The following DPP6 variants were observed in gnomAD, a reference collection of about 807,000 sequenced individuals.
The protein encoded by DPP6 is dipeptidyl peptidase like 6.
A neutral mutation model predicts 122.6 loss-of-function variants in DPP6; 69 were observed. The ratio of observed to expected loss-of-function variants is 0.56; its 90% CI spans 0.46 to 0.69. The LOEUF (loss-of-function observed/expected upper bound fraction) is 0.69. Among genes scored for constraint, DPP6 ranks in the 30% least tolerant of loss-of-function variants. The pLI, the probability that DPP6 is intolerant of heterozygous loss-of-function variation, is 0.00. For missense variants in DPP6, 928 were observed against 1,116.9 expected (o/e 0.83, Z 2.41); for synonymous variants, 418 against 433.1 (o/e 0.97, Z 0.43).
chr7:154,264,751 AATG>A (rs1351990054), intron 1 of DPP6, among the ~76,000 whole-genome samples: 2 of 147,808 alleles, frequency 1.4e-5, no homozygotes, highest in Non-Finnish European at 3.0e-5. Context: ...TAATGATGTT[AATG>A]ATGATAGTGA....
At chr7:154,239,785 CA>C (rs1801455550) in intron 1 of DPP6, among the ~76,000 whole-genome samples, 1 of 114,396 alleles carries the variant, frequency 8.7e-6, no homozygotes, top group Admixed American at 9.6e-5. Flanking sequence ...CCAGCCTGGC[CA>C]ACATGGTAAA....
At chr7:154,053,196 C>T (rs1157554357) in intron 1 of DPP6, 133 bp downstream of exon 1, 32 of 830,984 alleles carry the variant, frequency 3.9e-5, no homozygotes, top group Admixed American at 6.5e-5. Context: ...TCTCCGGGCG[C>T]CCCCAGACAG....
At chr7:154,264,038 G>A (rs1467499970) in intron 1 of DPP6, among the ~76,000 whole-genome samples, 1 of 152,064 alleles carries the variant, frequency 6.6e-6, no homozygotes, top group Non-Finnish European at 1.5e-5. Context: ...TATGAAGGTG[G>A]TACACTATAA....
At chr7:154,147,674 GTGTA>G (rs990966500) in intron 1 of DPP6, among the ~76,000 whole-genome samples, 2 of 94,630 alleles carry the variant, frequency 2.1e-5, no homozygotes, top group African/African-American at 9.2e-5. Flanking sequence ...GTGTGTGTGT[GTGTA>G]TATATGTATA....
chr7:154,192,124 G>C (rs1173117709), intron 1 of DPP6, among the ~76,000 whole-genome samples: 1 of 152,156 alleles, frequency 6.6e-6, no homozygotes, highest in Non-Finnish European at 1.5e-5. Flanking sequence ...TGATTTAAAG[G>C]CACCTTTTAG....
At chr7:154,174,975 C>T (rs1797723787) in intron 1 of DPP6, among the ~76,000 whole-genome samples, 1 of 151,590 alleles carries the variant, frequency 6.6e-6, no homozygotes, top group Admixed American at 6.6e-5. Context: ...CTCCCAGGTT[C>T]AAGCAATTCT....
intron 18 of DPP6, among the ~76,000 whole-genome samples, 191 bp from the exon 19 acceptor site, chr7:154,872,433 C>A (rs890923938): frequency 6.6e-6 from 1 of 152,222 alleles, no homozygotes; most frequent in African/African-American, 2.4e-5. Flanking sequence ...TCACACAGGT[C>A]GGGTGACTTG....
chr7:154,029,987 G>A lies in DPP6; in HGVS notation c.51+142253G>A, dbSNP rs538973125. Among the ~76,000 whole-genome samples, 4 of 152,284 alleles carry A rather than the reference G, an allele frequency of 2.6e-5. No homozygotes were observed. The South Asian group carries it at 8.3e-4, about 32-fold the overall frequency. ...GAGGGGGGCAGATCACTTGAGGCCA[G>A]GTGTTTGAAACCAGCCTGGGCAACA... is the stretch of plus-strand genomic sequence containing the variant. On this transcript the variant is annotated intron_variant, in intron 1 of 25. Transcript: ENST00000404039.
chr7:154,509,886 T>G (rs1410272680), intron 3 of DPP6, among the ~76,000 whole-genome samples: 1 of 152,066 alleles, frequency 6.6e-6, no homozygotes, highest in African/African-American at 2.4e-5. Flanking sequence ...AGCAGAGAAC[T>G]CTATACAGAC....
chr7:154,298,077 G>A (rs777317176), intron 1 of DPP6, among the ~76,000 whole-genome samples: 9 of 152,158 alleles, frequency 5.9e-5, no homozygotes, highest in Non-Finnish European at 8.8e-5. Flanking sequence ...GGCCTCGTCC[G>A]ATTAGTTGAA....
At chr7:154,864,495 G>A (rs932960538) in intron 17 of DPP6, among the ~76,000 whole-genome samples, 4 of 152,222 alleles carry the variant, frequency 2.6e-5, no homozygotes, top group African/African-American at 7.2e-5. Flanking sequence ...GGCCATTTGT[G>A]TGCTCCAGAC....
intron 4 of DPP6, among the ~76,000 whole-genome samples, chr7:154,551,672 T>C (rs1326719079): frequency 2.0e-5 from 3 of 152,180 alleles, no homozygotes; most frequent in East Asian, 3.8e-4. Context: ...TCTCATGCTG[T>C]AGTCCTTTCA....
At chr7:153,868,358 A>C in the DPP6 span, among the ~76,000 whole-genome samples, 30,581 of 151,756 alleles carry the variant, frequency 0.2, 3,205 homozygotes, top group African/African-American at 0.26. Flanking sequence ...AGAGATTCAA[A>C]TTCTTCCTGG....
At chr7:154,474,472 G>A (rs1473374974) in intron 2 of DPP6, among the ~76,000 whole-genome samples, 1 of 152,224 alleles carries the variant, frequency 6.6e-6, no homozygotes, top group Non-Finnish European at 1.5e-5. Flanking sequence ...CCAGGGACAA[G>A]TGAAGCTTAT....
In DPP6 at chr7:154,475,019, G is replaced by A. The variant is rs750080080; in HGVS notation, c.439G>A (p.Glu147Lys). 4.3e-6 allele frequency: 7 copies of A among 1,613,508 alleles called. No homozygotes were observed. The highest frequency in any genetic ancestry group is 3.3e-5 in the Admixed American group (2 of 59,998). The change falls in exon 3 of 26, where the codon GAG becomes AAG. Residue 147 changes from glutamate to lysine, a missense_variant. Transcript: ENST00000377770. ...TGAAGACTTCAAAATTCATGACCCC[G>A]AGGCTAAGTGGATAAGTGGTGAGTC... ...FSEDFKIHDPEAKWISDTEFI... is the reference protein window; with the variant it reads ...FSEDFKIHDPKAKWISDTEFI...
chr7:154,704,575 C>A (rs927594312), intron 7 of DPP6, among the ~76,000 whole-genome samples: 1 of 152,178 alleles, frequency 6.6e-6, no homozygotes, highest in African/African-American at 2.4e-5. Context: ...CCAGTTATCC[C>A]AACCTTCAGC....
chr7:154,240,119 A>G (rs936107810), intron 1 of DPP6, among the ~76,000 whole-genome samples: 1 of 149,750 alleles, frequency 6.7e-6, no homozygotes, highest in African/African-American at 2.5e-5. Context: ...CTAATTGTCT[A>G]TGAATTTTGT....
rs1359292264 is a variant in DPP6 at position 153,987,015 on chromosome 7, G to A, written c.51+99281G>A. Among the ~76,000 whole-genome samples, 4 of 152,256 alleles carry A rather than the reference G, an allele frequency of 2.6e-5. No homozygotes were observed. In the East Asian group the frequency reaches 7.7e-4, roughly 29 times the overall value. On this transcript the variant is annotated intron_variant, in intron 1 of 25. Transcript: ENST00000404039. ...ACATTATCCAGAGTAAGGTTAGTTC[G>A]GTTTGGTTTGAATTGTTTCATTTTT...
At position 154,061,712 on chromosome 7, in the gene DPP6, C is replaced by T. The variant is rs1224889665; in HGVS notation, c.243+8649C>T. On this transcript the variant is annotated intron_variant, in intron 1 of 25. Coordinates refer to ENST00000377770, the MANE Select transcript of DPP6 (RefSeq NM_130797.4). The stretch of plus-strand genomic sequence containing the variant: ...CCACCATCGCAGGGGGGGAGGCAAT[C>T]CCCGCGAGGCGGGGACTGCGAACCT... 1.1e-3 allele frequency among the ~76,000 whole-genome samples: 93 copies of T among 86,420 alleles called. 3 individuals are homozygous for T. Among genetic ancestry groups the T allele is most frequent in the Middle Eastern group, 5.7e-3 (1 of 174 alleles). 56.7% of individuals were successfully genotyped at this position (86,420 alleles called of 152,430 possible).
Sources: gnomAD v4.1 joint callset for allele counts (sites outside exome capture counted in the v4.1 genomes callset) on GRCh38, gnomAD v4.1.1 for gene constraint, MANE v1.5 for transcripts, NCBI Gene and HGNC (gene_info 2026-07-23, HGNC 2026-07-21) for gene names.